SUN5: variants seen among roughly 807,000 people sequenced by gnomAD.
The protein encoded by SUN5 is Sad1 and UNC84 domain containing 5.
In SUN5, 44 loss-of-function variants were observed where a neutral mutation model predicts 53.7. That is an observed-to-expected ratio of 0.82 (90% confidence interval 0.64 to 1.05). SUN5 has a LOEUF of 1.05. Ranked by LOEUF, SUN5 falls within the 50% of genes least tolerant of loss-of-function variation. The probability of loss-of-function intolerance (pLI) is 0.00; values close to 1 mark genes in which losing one functional copy is unlikely to be tolerated. For missense variants in SUN5, 433 were observed against 483.8 expected (o/e 0.90, Z 0.98); for synonymous variants, 166 against 179.8 (o/e 0.92, Z 0.62).
At chr20:32,992,018 C>T (rs1600493796) in intron 8 of SUN5, among the ~76,000 whole-genome samples, 1 of 152,316 alleles carries the variant, frequency 6.6e-6, no homozygotes, top group East Asian at 1.9e-4. Context: ...AGCTCTTCCC[C>T]TGTTCTTTGA....
At chr20:32,990,179 A>G (rs1989675232) in intron 8 of SUN5, among the ~76,000 whole-genome samples, 1 of 152,158 alleles carries the variant, frequency 6.6e-6, no homozygotes, top group African/African-American at 2.4e-5. Context: ...CACTATTATC[A>G]TCCTTGTATT....
intron 12 of SUN5, among the ~76,000 whole-genome samples, 188 bp downstream of exon 12, chr20:32,984,911 C>G (rs1432134843): frequency 1.3e-5 from 2 of 152,186 alleles, no homozygotes; most frequent in Non-Finnish European, 2.9e-5. Flanking sequence ...GTGGGATCTC[C>G]CTGGAGTCCC....
chr20:32,989,725 G>A (rs754919305), intron 8 of SUN5, 27 bp from the exon 9 acceptor site: 2 of 1,599,638 alleles, frequency 1.3e-6, no homozygotes, highest in East Asian at 2.2e-5. Flanking sequence ...CACAAGTTGT[G>A]CCCTGGTGTG....
chr20:32,987,416 A>G (rs907502495), intron 10 of SUN5, among the ~76,000 whole-genome samples: 1 of 151,786 alleles, frequency 6.6e-6, no homozygotes, highest in African/African-American at 2.4e-5. Context: ...CCCTAGCCCC[A>G]GCAGCCCCTG....
chr20:32,983,999 G>A, intron 12 of SUN5, 50 bp from the exon 13 acceptor site: 5 of 1,461,130 alleles, frequency 3.4e-6, no homozygotes, highest in Non-Finnish European at 3.6e-6. Context: ...CTCCCACCCT[G>A]CCTTTCCAAA....
chr20:33,001,519 C>CTTTCTTTCTTTCTTTCTTTCTTTCTCTCT (rs68051515), intron 3 of SUN5, among the ~76,000 whole-genome samples: 1 of 121,324 alleles, frequency 8.2e-6, no homozygotes, highest in South Asian at 2.5e-4. Flanking sequence ...TTCTTTCTTT[C>CTTTCTTTCTTTCTTTCTTTCTTTCTCTCT]TTCTTTCTTT....
intron 3 of SUN5, among the ~76,000 whole-genome samples, chr20:33,002,113 A>C (rs990722518): frequency 3.9e-5 from 6 of 152,154 alleles, no homozygotes; most frequent in African/African-American, 1.2e-4. Flanking sequence ...AATTGACAGG[A>C]AGGTGAGAGG....
At chr20:33,004,134 C>A in intron 1 of SUN5, 130 bp downstream of exon 1, 1 of 1,014,080 alleles carries the variant, frequency 9.9e-7, no homozygotes, top group South Asian at 2.8e-5. Context: ...CACTGCCAAA[C>A]CTCTCTGGTC....
chr20:32,998,649 G>T (rs2146336586), intron 5 of SUN5, among the ~76,000 whole-genome samples: 1 of 152,246 alleles, frequency 6.6e-6, no homozygotes, highest in South Asian at 2.1e-4. Context: ...TAAGATCAGG[G>T]ATGAGACAGG....
rs375117272 is a variant in SUN5, at chr20:32,995,571, C to G, written c.534+48G>C. On this transcript the variant is annotated intron_variant, in intron 8 of 12. Coordinates refer to ENST00000356173, the MANE Select transcript of SUN5 (RefSeq NM_080675.4). ...ACTTGAGGTATAGGAAACAGGACAT[C>G]AAACAAAGAGAAATTAGATGTTTGG... 6 of 1,543,774 alleles carry G rather than the reference C, an allele frequency of 3.9e-6. No homozygotes were observed. In the African/African-American group the frequency reaches 6.8e-5, roughly 18 times the overall value.
chr20:32,989,782 G>A, intron 8 of SUN5, 84 bp from the exon 9 acceptor site: 3 of 1,103,490 alleles, frequency 2.7e-6, no homozygotes, highest in South Asian at 2.6e-5. Context: ...GTAACAGGGG[G>A]CTGCAGGACG....
chr20:32,989,319 G>A (rs970296451), intron 9 of SUN5, among the ~76,000 whole-genome samples: 2 of 152,120 alleles, frequency 1.3e-5, no homozygotes, highest in Non-Finnish European at 2.9e-5. Flanking sequence ...GGGTGGGGGT[G>A]GTGGAGAGGT....
chr20:32,987,685 G>GC lies in SUN5; in HGVS notation c.703dup (p.Ala235GlyfsTer9), dbSNP rs767417262. The GC allele has an allele frequency of 6.2e-7, 1 of 1,612,530 alleles. No homozygotes were observed. Among genetic ancestry groups the GC allele is most frequent in the Non-Finnish European group, 8.5e-7 (1 of 1,179,480 alleles). The stretch of plus-strand genomic sequence containing the variant: ...CTCAAGGATCACGTCTGGGGGCTGT[G>GC]CGTAGTTCCACAGCTGGATCCAGTT... On this transcript the variant is annotated frameshift_variant, in exon 10 of 13. Transcript: ENST00000356173. LOFTEE classifies it high-confidence loss of function.
In SUN5 at chr20:32,989,629, T is replaced by C; in HGVS notation, c.604A>G (p.Lys202Glu). 6.2e-7 allele frequency: 1 copy of C among 1,613,908 alleles called. No homozygotes were observed. The highest frequency in any genetic ancestry group is 8.5e-7 in the Non-Finnish European group (1 of 1,179,964). ...GAAGGGGGTCACCTACCTATAGACT[T>C]CAGGGCAAAGTCTGGCTTTTCGATG... ...DYIEKPDFAL[K>E]SIGASIDFEH... Residue 202 changes from lysine (K) to glutamate (E), a missense_variant, in exon 9 of 13, where the codon AAG becomes GAG. Physicochemically the swap from Lys to Glu is moderately conservative, Grantham distance 56 (BLOSUM62 1). Coordinates refer to ENST00000356173, the MANE Select transcript of SUN5 (RefSeq NM_080675.4).
chr20:32,994,085 A>G (rs181725937), intron 8 of SUN5, among the ~76,000 whole-genome samples: 4 of 152,338 alleles, frequency 2.6e-5, no homozygotes, highest in Admixed American at 2.0e-4. Flanking sequence ...GGCCTCAAAC[A>G]TACAGTAAGT....
intron 2 of SUN5, 35 bp from the exon 3 acceptor site, chr20:33,002,696 G>C: frequency 6.2e-7 from 1 of 1,612,544 alleles, no homozygotes; most frequent in African/African-American, 1.3e-5. Flanking sequence ...GTCACTGCCA[G>C]CCTCTTGATT....
Position 32,989,566 on chromosome 20 carries a change from A to G in SUN5, c.613+54T>C, listed in dbSNP as rs1989651556. 14 of 1,520,786 alleles carry G rather than the reference A, an allele frequency of 9.2e-6. 1 individual carries two copies. The Admixed American group carries it at 2.2e-4, about 24-fold the overall frequency. 94.2% of individuals were successfully genotyped at this position (1,520,786 alleles called of 1,614,324 possible). On this transcript the variant is annotated intron_variant, in intron 9 of 12. Coordinates refer to ENST00000356173, the MANE Select transcript of SUN5 (RefSeq NM_080675.4). ...ACCAGAACTGAAACCCACCCTGTGT[A>G]CAGCTTCCCAGGACACTTGAGGCAG...
chr20:32,997,692 G>A lies in SUN5; in HGVS notation c.341-5C>T. 2 of 1,613,940 alleles carry A rather than the reference G, an allele frequency of 1.2e-6. No individual in the cohort carries two copies. The highest frequency in any genetic ancestry group is 1.7e-6 in the Non-Finnish European group (2 of 1,179,978). ...GAATAGAAAACATCCAGAATCCTGT[G>A]AGGCCATGAGAATAAGAATGAGCCA... On this transcript the variant is annotated splice_region_variant and splice_polypyrimidine_tract_variant and intron_variant, in intron 5 of 12. Coordinates refer to ENST00000356173, the MANE Select transcript of SUN5 (RefSeq NM_080675.4).
rs763855078 is a variant in SUN5 at position 32,987,645 on chromosome 20, C to T, written c.729+15G>A. 83 of 1,581,486 alleles carry T rather than the reference C, an allele frequency of 5.2e-5. No individual in the cohort carries two copies. Among genetic ancestry groups the T allele is most frequent in the Non-Finnish European group, 6.1e-5 (71 of 1,162,334 alleles). On this transcript the variant is annotated intron_variant, in intron 10 of 12. Coordinates refer to ENST00000356173, the MANE Select transcript of SUN5 (RefSeq NM_080675.4). ...ACTCCCCTGCCGCTGTCCCATCTCC[C>T]GCCATCCCCCCTGCCTCAAGGATCA...
Sources: gnomAD v4.1 joint callset for allele counts (sites outside exome capture counted in the v4.1 genomes callset) on GRCh38, gnomAD v4.1.1 for gene constraint, MANE v1.5 for transcripts, NCBI Gene and HGNC (gene_info 2026-07-23, HGNC 2026-07-21) for gene names.